The following SDK1 variants were observed in gnomAD, a reference collection of about 807,000 sequenced individuals.
SDK1 encodes sidekick cell adhesion molecule 1.
In SDK1, 157 loss-of-function variants were observed where a neutral mutation model predicts 245.5. The ratio of observed to expected loss-of-function variants is 0.64; its 90% CI spans 0.56 to 0.73. The LOEUF (loss-of-function observed/expected upper bound fraction) is 0.73, where lower values mean the gene tolerates loss of function less well. Among genes scored for constraint, SDK1 ranks in the 30% least tolerant of loss-of-function variants. SDK1 has a pLI of 0.00. For missense variants in SDK1, 3,583 were observed against 3,002.3 expected, an observed-to-expected ratio of 1.19 and a Z score of -4.52; for synonymous variants, 1,647 against 1,278.5, an observed-to-expected ratio of 1.29 and a Z score of -6.15.
At chr7:4,170,182 A>G (rs923735227) in intron 32 of SDK1, among the ~76,000 whole-genome samples, 1 of 152,186 alleles carries the variant, frequency 6.6e-6, no homozygotes, top group Non-Finnish European at 1.5e-5. Context: ...GCTGTGGCCC[A>G]TGAGATAACC....
chr7:3,729,241 G>T (rs1779103895), intron 4 of SDK1, among the ~76,000 whole-genome samples: 1 of 152,192 alleles, frequency 6.6e-6, no homozygotes, highest in Non-Finnish European at 1.5e-5. Context: ...TGCAGGCGGA[G>T]TTAGCATTTA....
At position 3,992,444 on chromosome 7, in the gene SDK1, C is replaced by T. The variant is rs567954334; in HGVS notation, c.2131+5122C>T. Among the ~76,000 whole-genome samples the T allele has an allele frequency of 3.3e-5, 5 of 152,236 alleles. No homozygotes were observed. The South Asian group carries it at 1.0e-3, about 32-fold the overall frequency. The stretch of plus-strand genomic sequence containing the variant: ...TCCTAGGCCTGGGTCAAGGCACCCA[C>T]CTGGTGGATTGAGGAGGGCAGAGGG... On this transcript the variant is annotated intron_variant, in intron 14 of 44. Coordinates refer to ENST00000404826, the MANE Select transcript of SDK1 (RefSeq NM_152744.4).
chr7:3,930,754 C>A (rs1171553004), intron 5 of SDK1, among the ~76,000 whole-genome samples: 1 of 152,102 alleles, frequency 6.6e-6, no homozygotes, highest in African/African-American at 2.4e-5. Flanking sequence ...GATCGCACCA[C>A]TTCACTCCAG....
chr7:3,575,399 C>A (rs1266720872), intron 1 of SDK1, among the ~76,000 whole-genome samples: 1 of 151,986 alleles, frequency 6.6e-6, no homozygotes, highest in Non-Finnish European at 1.5e-5. Context: ...TCTCCAAAGG[C>A]CATCACATCA....
chr7:3,341,168 C>G (rs180988680), intron 1 of SDK1, among the ~76,000 whole-genome samples: 2 of 152,178 alleles, frequency 1.3e-5, no homozygotes, highest in East Asian at 1.9e-4. Flanking sequence ...AAATATTTAA[C>G]ATGACCAAAT....
chr7:3,444,568 G>T (rs566822456), intron 1 of SDK1, among the ~76,000 whole-genome samples: 1 of 152,102 alleles, frequency 6.6e-6, no homozygotes, highest in Admixed American at 6.5e-5. Context: ...TTTAAAATGG[G>T]CCACCCAGAA....
intron 1 of SDK1, among the ~76,000 whole-genome samples, chr7:3,566,636 G>C (rs993796595): frequency 6.6e-6 from 1 of 150,740 alleles, no homozygotes; most frequent in Non-Finnish European, 1.5e-5. Context: ...GCAGATGACA[G>C]AATGGAAAAT....
intron 22 of SDK1, among the ~76,000 whole-genome samples, chr7:4,096,413 G>A (rs1043624560): frequency 1.3e-5 from 2 of 152,274 alleles, no homozygotes; most frequent in South Asian, 2.1e-4. Context: ...GTTGTTAGGG[G>A]TGTGGGGGAT....
chr7:4,054,204 G>C (rs1289739034), intron 19 of SDK1, among the ~76,000 whole-genome samples: 1 of 152,126 alleles, frequency 6.6e-6, no homozygotes, highest in Non-Finnish European at 1.5e-5. Context: ...GCCTCCCAAA[G>C]TGCTGGGATT....
intron 1 of SDK1, among the ~76,000 whole-genome samples, chr7:3,394,914 G>T (rs1781854850): frequency 6.6e-6 from 1 of 151,834 alleles, no homozygotes; most frequent in South Asian, 2.1e-4. Context: ...TGGACTCTTT[G>T]GGGTTTTCTA....
chr7:3,687,428 C>T (rs1376401307), intron 4 of SDK1, among the ~76,000 whole-genome samples: 2 of 152,144 alleles, frequency 1.3e-5, no homozygotes, highest in Non-Finnish European at 1.5e-5. Context: ...CGCCCAGCCC[C>T]ATAGCATTTT....
intron 4 of SDK1, among the ~76,000 whole-genome samples, chr7:3,792,098 C>T (rs554329285): frequency 3.3e-5 from 5 of 152,024 alleles, no homozygotes; most frequent in Admixed American, 6.5e-5. Flanking sequence ...ACTGCACTCC[C>T]GCCTGGGCAA....
chr7:3,849,565 A>C (rs1336042580), intron 5 of SDK1, among the ~76,000 whole-genome samples: 1 of 152,204 alleles, frequency 6.6e-6, no homozygotes, highest in Admixed American at 6.5e-5. Flanking sequence ...TTTTGACTTC[A>C]GAGAATATTA....
At chr7:4,204,821 G>A (rs1373516692) in intron 35 of SDK1, among the ~76,000 whole-genome samples, 1 of 152,208 alleles carries the variant, frequency 6.6e-6, no homozygotes, top group Non-Finnish European at 1.5e-5. Flanking sequence ...CCAGTGGGAG[G>A]AGGGAGTAGC....
At chr7:3,840,175 T>C (rs1455562989) in intron 5 of SDK1, among the ~76,000 whole-genome samples, 1 of 152,064 alleles carries the variant, frequency 6.6e-6, no homozygotes, top group Non-Finnish European at 1.5e-5. Flanking sequence ...TGGGCAAAAA[T>C]ATCTGAAGGC....
intron 13 of SDK1, among the ~76,000 whole-genome samples, chr7:3,983,831 G>T (rs1783605866): frequency 1.3e-5 from 2 of 152,104 alleles, no homozygotes; most frequent in Admixed American, 1.3e-4. Context: ...ATCACACTTT[G>T]CCCTGGGCCA....
At chr7:3,594,075 A>G (rs1394370033) in intron 1 of SDK1, among the ~76,000 whole-genome samples, 1 of 152,098 alleles carries the variant, frequency 6.6e-6, no homozygotes, top group African/African-American at 2.4e-5. Context: ...AAAAGAAACC[A>G]TGTACCTACT....
At chr7:3,990,648 G>T (rs1370048178) in intron 14 of SDK1, among the ~76,000 whole-genome samples, 1 of 152,120 alleles carries the variant, frequency 6.6e-6, no homozygotes, top group Non-Finnish European at 1.5e-5. Flanking sequence ...CTGTCGCCTC[G>T]GGCTTCAGGA....
chr7:3,428,340 G>T (rs2128583264), intron 1 of SDK1, among the ~76,000 whole-genome samples: 1 of 152,256 alleles, frequency 6.6e-6, no homozygotes, highest in South Asian at 2.1e-4. Flanking sequence ...TTAAACTGTG[G>T]TAACTGAAAT....
Sources: allele counts gnomAD v4.1 joint callset (sites outside exome capture counted in the v4.1 genomes callset), GRCh38; gene constraint gnomAD v4.1.1; transcripts MANE v1.5; gene names NCBI Gene and HGNC (gene_info 2026-07-23, HGNC 2026-07-21).